NOS1AP: variants seen among roughly 807,000 people sequenced by gnomAD.
NOS1AP encodes carboxyl-terminal PDZ ligand of neuronal nitric oxide synthase protein.
A neutral mutation model predicts 56.2 loss-of-function variants in NOS1AP; 21 were observed. The observed-to-expected ratio is 0.37, with a 90% CI of 0.26 to 0.54. NOS1AP has a LOEUF of 0.54. NOS1AP is among the 20% of genes least tolerant of loss of function. The pLI, the probability that NOS1AP is intolerant of heterozygous loss-of-function variation, is 0.84. For synonymous variants in NOS1AP, 270 were observed against 274.6 expected, an observed-to-expected ratio of 0.98 and a Z score of 0.17; for missense variants, 522 against 657.8, an observed-to-expected ratio of 0.79 and a Z score of 2.26.
chr1:162,091,491 A>AT (rs908824200), intron 1 of NOS1AP, among the ~76,000 whole-genome samples: 1 of 152,080 alleles, frequency 6.6e-6, no homozygotes, highest in African/African-American at 2.4e-5. Context: ...TGCTCTGTTT[A>AT]TTTTTTGTAG....
At chr1:162,185,056 G>A (rs899404148) in intron 2 of NOS1AP, among the ~76,000 whole-genome samples, 9 of 152,158 alleles carry the variant, frequency 5.9e-5, no homozygotes, top group African/African-American at 2.2e-4. Context: ...GCTTAAAGAG[G>A]CTGCTGGTAT....
chr1:162,194,073 C>G (rs569768185), intron 2 of NOS1AP, among the ~76,000 whole-genome samples: 5 of 152,212 alleles, frequency 3.3e-5, no homozygotes, highest in Admixed American at 3.3e-4. Context: ...GCAGAGCTCC[C>G]CATGCATAGC....
At chr1:162,155,620 C>T (rs999184316) in intron 2 of NOS1AP, among the ~76,000 whole-genome samples, 4 of 151,966 alleles carry the variant, frequency 2.6e-5, no homozygotes, top group Admixed American at 6.6e-5. Context: ...TATACATTCT[C>T]GCTGGTATAC....
At chr1:162,263,085 G>T (rs939367770) in intron 2 of NOS1AP, among the ~76,000 whole-genome samples, 1 of 152,002 alleles carries the variant, frequency 6.6e-6, no homozygotes, top group African/African-American at 2.4e-5. Context: ...CTAATTTTTT[G>T]ATTTTCACTA....
At position 162,367,107 on chromosome 1, in the gene NOS1AP, G is replaced by T; in HGVS notation, c.1161G>T (p.Val387=). ...CCTTCCGCTCCGGAGCCCTGCCCGT[G>T]CTCTGTGACCCCACGACCCCTAAGC... ...EITFRSGALP[V]LCDPTTPKPE... The change falls in exon 10 of 10, where the codon GTG becomes GTT. Residue 387 remains valine, a synonymous_variant. Transcript: ENST00000361897. The surrounding 1 kb of genome is among the most constrained non-coding windows in gnomAD (Gnocchi z 6.5). 6.2e-7 allele frequency: 1 copy of T among 1,613,926 alleles called. No individual in the cohort carries two copies.
At chr1:162,274,509 T>G (rs1411744268) in intron 2 of NOS1AP, among the ~76,000 whole-genome samples, 1 of 152,236 alleles carries the variant, frequency 6.6e-6, no homozygotes, top group Non-Finnish European at 1.5e-5. Context: ...TAGTTGTTGT[T>G]TTAATTTTAT....
At chr1:162,212,218 GTGT>G (rs1246653577) in intron 2 of NOS1AP, among the ~76,000 whole-genome samples, 1 of 152,216 alleles carries the variant, frequency 6.6e-6, no homozygotes, top group African/African-American at 2.4e-5. Context: ...GGCTGGGAAG[GTGT>G]TGTTTGACAT....
chr1:162,218,639 C>T (rs1289887049), intron 2 of NOS1AP, among the ~76,000 whole-genome samples: 3 of 152,228 alleles, frequency 2.0e-5, no homozygotes, highest in East Asian at 1.9e-4. Context: ...GCTGGTCAGT[C>T]GTGGAACTAT....
chr1:162,252,071 A>G (rs1275312934), intron 2 of NOS1AP, among the ~76,000 whole-genome samples: 1 of 151,774 alleles, frequency 6.6e-6, no homozygotes, highest in Admixed American at 6.6e-5. Flanking sequence ...ACAGGGACTC[A>G]TTCTGTTGCC....
In NOS1AP at chr1:162,324,775, T is replaced by C. The variant is rs1656530424; in HGVS notation, c.345-8242T>C. Among the ~76,000 whole-genome samples, 2 of 152,204 alleles carry C rather than the reference T, an allele frequency of 1.3e-5. 1 individual carries two copies. The highest frequency in any genetic ancestry group is 4.1e-4 in the South Asian group (2 of 4,828). On this transcript the variant is annotated intron_variant, in intron 4 of 9. Coordinates refer to ENST00000361897, the MANE Select transcript of NOS1AP (RefSeq NM_014697.3). ...TAGACATTTGTATAATTTTATTCAT[T>C]GAAGAAACCTTAGGAATCAGCTCTT...
rs778341604 is a variant in NOS1AP, at chr1:162,178,513, A to G, written c.177+24037A>G. Among the ~76,000 whole-genome samples, 4 of 152,210 alleles carry G rather than the reference A, an allele frequency of 2.6e-5. No homozygotes were observed. In the East Asian group the frequency reaches 5.8e-4, roughly 22 times the overall value. On this transcript the variant is annotated intron_variant, in intron 2 of 9. Transcript: ENST00000361897. ...ATTTAATAATCCTTTTAGCAACCCT[A>G]TGAAGTAGGGCCTTCCACTTTATAG...
intron 4 of NOS1AP, among the ~76,000 whole-genome samples, chr1:162,332,145 T>C (rs532598653): frequency 6.6e-6 from 1 of 152,264 alleles, no homozygotes; most frequent in East Asian, 1.9e-4. Context: ...CTTGAATGCT[T>C]TTAATACCTT....
intron 2 of NOS1AP, among the ~76,000 whole-genome samples, chr1:162,286,208 A>C (rs531109957): frequency 1.3e-4 from 20 of 152,338 alleles, no homozygotes; most frequent in African/African-American, 4.8e-4. Context: ...GATTAAGTTC[A>C]TGCCTATCAA....
chr1:162,114,915 T>C (rs1647881899), intron 1 of NOS1AP, among the ~76,000 whole-genome samples: 1 of 152,218 alleles, frequency 6.6e-6, no homozygotes, highest in Non-Finnish European at 1.5e-5. Context: ...CCCTTGATGG[T>C]CTAAGTGCTG....
At chr1:162,263,909 C>G (rs1244203234) in intron 2 of NOS1AP, among the ~76,000 whole-genome samples, 1 of 152,220 alleles carries the variant, frequency 6.6e-6, no homozygotes, top group Non-Finnish European at 1.5e-5. Context: ...ATTGACTTTT[C>G]ATTCTTCCTC....
chr1:162,212,693 G>T (rs1475360359), intron 2 of NOS1AP, among the ~76,000 whole-genome samples: 5 of 152,302 alleles, frequency 3.3e-5, no homozygotes, highest in South Asian at 4.1e-4. Context: ...CAGTCTAGGG[G>T]GTCTAGCTGT....
At chr1:162,301,017 A>G (rs959160559) in intron 4 of NOS1AP, among the ~76,000 whole-genome samples, 12 of 152,212 alleles carry the variant, frequency 7.9e-5, no homozygotes, top group Non-Finnish European at 1.6e-4. Context: ...AAAATTGCAT[A>G]TATTGATCAA....
At chr1:162,175,685 G>A (rs1651022617) in intron 2 of NOS1AP, among the ~76,000 whole-genome samples, 1 of 152,098 alleles carries the variant, frequency 6.6e-6, no homozygotes, top group Non-Finnish European at 1.5e-5. Flanking sequence ...AGCAGATAGA[G>A]CAATGAAATA....
Position 162,101,223 on chromosome 1 carries a change from GT to G in NOS1AP, c.105+30944del, listed in dbSNP as rs35191937. ...TTTCCCCATTGTTTGTTTTTGTCAG[GT>G]TTGTTGAAGATCAGATGGTTGTAAG... On this transcript the variant is annotated intron_variant, in intron 1 of 9. Transcript: ENST00000361897. Among the ~76,000 whole-genome samples the G allele has an allele frequency of 3.8e-3, 580 of 152,216 alleles. 13 individuals are homozygous for G. Among genetic ancestry groups the G allele is most frequent in the Admixed American group, 0.028 (433 of 15,292 alleles).
Sources: gnomAD v4.1 joint callset for allele counts (sites outside exome capture counted in the v4.1 genomes callset) on GRCh38, gnomAD v4.1.1 for gene constraint, Gnocchi (gnomAD v3.1) non-coding constraint, MANE v1.5 for transcripts, NCBI Gene and HGNC (gene_info 2026-07-23, HGNC 2026-07-21) for gene names.